The following UBTD1 variants were observed in gnomAD, a reference collection of about 807,000 sequenced individuals.
The protein encoded by UBTD1 is ubiquitin domain containing 1.
UBTD1 carries 19 observed loss-of-function variants against 21.7 expected under a neutral mutation model. The ratio of observed to expected loss-of-function variants is 0.87; its 90% confidence interval spans 0.61 to 1.28. The LOEUF (loss-of-function observed/expected upper bound fraction) is 1.28, where lower values mean the gene tolerates loss of function less well. UBTD1 is among the 50% of genes most tolerant of loss of function. The pLI is 0.00. For missense variants in UBTD1, 282 were observed against 315.1 expected (o/e 0.89, Z 0.80); for synonymous variants, 116 against 135.1 (o/e 0.86, Z 0.98).
intron 1 of UBTD1, among the ~76,000 whole-genome samples, chr10:97,529,638 G>A (rs1235306183): frequency 3.3e-5 from 5 of 152,272 alleles, no homozygotes; most frequent in Middle Eastern, 3.4e-3. Context: ...GCAGGCACTC[G>A]GCAGGCTGAG....
intron 1 of UBTD1, among the ~76,000 whole-genome samples, chr10:97,543,974 G>A (rs1228340057): frequency 1.3e-5 from 2 of 152,044 alleles, no homozygotes; most frequent in Non-Finnish European, 2.9e-5. Context: ...ACAAGGATGG[G>A]TGAGACGGTA....
At chr10:97,499,306 A>G in intron 1 of UBTD1, 33 bp downstream of exon 1, 1 of 1,542,012 alleles carries the variant, frequency 6.5e-7, no homozygotes, top group South Asian at 1.2e-5. Context: ...GGCCTCGGGC[A>G]TCCCGCCAGT....
At chr10:97,564,239 G>A (rs554762141) in intron 1 of UBTD1, among the ~76,000 whole-genome samples, 9 of 152,284 alleles carry the variant, frequency 5.9e-5, no homozygotes, top group South Asian at 2.1e-4. Flanking sequence ...GAAGATAGTC[G>A]CCTAGAGGGC....
At chr10:97,533,579 C>T (rs2040543619) in intron 1 of UBTD1, among the ~76,000 whole-genome samples, 1 of 152,114 alleles carries the variant, frequency 6.6e-6, no homozygotes, top group South Asian at 2.1e-4. Flanking sequence ...CGCAGCATCC[C>T]CCTTTGCCCC....
At chr10:97,549,914 CT>C (rs1437361716) in intron 1 of UBTD1, among the ~76,000 whole-genome samples, 1 of 152,248 alleles carries the variant, frequency 6.6e-6, no homozygotes, top group Non-Finnish European at 1.5e-5. Context: ...ACCACACCCC[CT>C]GGCTCCCCCC....
chr10:97,566,984 G>A (rs939246844), intron 1 of UBTD1, among the ~76,000 whole-genome samples: 1 of 152,142 alleles, frequency 6.6e-6, no homozygotes, highest in Non-Finnish European at 1.5e-5. Flanking sequence ...GTCAGATGCT[G>A]CAGGAATTTT....
chr10:97,524,284 TG>T (rs774265674), intron 1 of UBTD1, among the ~76,000 whole-genome samples: 12 of 140,838 alleles, frequency 8.5e-5, no homozygotes, highest in African/African-American at 2.8e-4. Context: ...TTTGTAGGGA[TG>T]CGGGGGGGTC....
In UBTD1 at chr10:97,502,266, A is replaced by G. The variant is rs561594419; in HGVS notation, c.70+2993A>G. 5.9e-5 allele frequency among the ~76,000 whole-genome samples: 9 copies of G among 152,256 alleles called. No individual in the cohort carries two copies. In the East Asian group the frequency reaches 1.7e-3, roughly 29 times the overall value. On this transcript the variant is annotated intron_variant, in intron 1 of 2. Coordinates refer to ENST00000370664, the MANE Select transcript of UBTD1 (RefSeq NM_024954.5). The stretch of plus-strand genomic sequence containing the variant: ...ATGAATAGCTTTATTCATAAAGTCC[A>G]AAGCCGAGGGGAACTCTGTAGGATG...
At chr10:97,535,755 AT>A (rs1206757473) in intron 1 of UBTD1, among the ~76,000 whole-genome samples, 26 of 150,168 alleles carry the variant, frequency 1.7e-4, no homozygotes, top group Admixed American at 3.3e-4. Context: ...ATCTCTACAA[AT>A]TTTTTTTTTT....
chr10:97,538,807 T>C (rs1443592544), intron 1 of UBTD1, among the ~76,000 whole-genome samples: 1 of 152,188 alleles, frequency 6.6e-6, no homozygotes, highest in Admixed American at 6.5e-5. Context: ...TATGGTTTGC[T>C]TTGCAGTTTG....
intron 1 of UBTD1, among the ~76,000 whole-genome samples, chr10:97,567,357 G>A (rs1290760087): frequency 1.4e-5 from 2 of 138,402 alleles, no homozygotes; most frequent in African/African-American, 2.5e-5. Flanking sequence ...GTGAGCCACC[G>A]CGCCCTGCCC....
intron 1 of UBTD1, among the ~76,000 whole-genome samples, chr10:97,548,421 C>T (rs1407556143): frequency 1.3e-5 from 2 of 152,220 alleles, no homozygotes; most frequent in Non-Finnish European, 2.9e-5. Context: ...TAATTCCCAC[C>T]TATGTCTTAC....
chr10:97,545,230 A>G (rs113632915), intron 1 of UBTD1, among the ~76,000 whole-genome samples: 1 of 151,500 alleles, frequency 6.6e-6, no homozygotes, highest in Non-Finnish European at 1.5e-5. Flanking sequence ...AGTCCCAGCT[A>G]CTCAGGAGGC....
At chr10:97,516,493 C>T (rs913523746) in intron 1 of UBTD1, among the ~76,000 whole-genome samples, 4 of 152,148 alleles carry the variant, frequency 2.6e-5, no homozygotes, top group African/African-American at 4.8e-5. Context: ...TCCATCTCCT[C>T]GGCCGGGCAC....
chr10:97,528,499 G>A (rs1447646920), intron 1 of UBTD1, among the ~76,000 whole-genome samples: 6 of 80,616 alleles, frequency 7.4e-5, no homozygotes, highest in African/African-American at 1.9e-4. Flanking sequence ...CTCACCTCCC[G>A]GACGGGGCGG....
chr10:97,563,971 CAG>C (rs1736849167), intron 1 of UBTD1, among the ~76,000 whole-genome samples: 1 of 152,144 alleles, frequency 6.6e-6, no homozygotes, highest in Non-Finnish European at 1.5e-5. Context: ...GAGGAGAGAT[CAG>C]GCTGGCTGTC....
At chr10:97,508,817 C>T (rs949546597) in intron 1 of UBTD1, among the ~76,000 whole-genome samples, 3 of 152,248 alleles carry the variant, frequency 2.0e-5, no homozygotes, top group South Asian at 2.1e-4. Flanking sequence ...TTTGAGGGCT[C>T]GGTGTGCTAG....
intron 1 of UBTD1, among the ~76,000 whole-genome samples, chr10:97,557,506 A>T (rs2040670120): frequency 6.6e-6 from 1 of 152,234 alleles, no homozygotes; most frequent in Admixed American, 6.5e-5. Flanking sequence ...ACACAAGACC[A>T]GTACTGACAC....
chr10:97,517,577 G>A (rs952267202), intron 1 of UBTD1, among the ~76,000 whole-genome samples: 1 of 152,190 alleles, frequency 6.6e-6, no homozygotes, highest in African/African-American at 2.4e-5. Context: ...TCGTGCGGAT[G>A]CAGGCAGCCT....
Sources: gnomAD v4.1 joint callset for allele counts (sites outside exome capture counted in the v4.1 genomes callset) on GRCh38, gnomAD v4.1.1 for gene constraint, MANE v1.5 for transcripts, NCBI Gene and HGNC (gene_info 2026-07-23, HGNC 2026-07-21) for gene names.